Variants in MRPL13 observed in about 807,000 individuals in gnomAD.
MRPL13 encodes large ribosomal subunit protein uL13m.
MRPL13 carries 33 observed loss-of-function variants against 29.0 expected under a neutral mutation model. The ratio of observed to expected loss-of-function variants is 1.14; its 90% CI spans 0.86 to 1.52. The LOEUF (loss-of-function observed/expected upper bound fraction) is 1.52, where lower values mean the gene tolerates loss of function less well. Ranked by LOEUF, MRPL13 falls within the 40% of genes most tolerant of loss-of-function variation. The pLI is 0.00. For synonymous variants in MRPL13, 77 were observed against 68.4 expected (o/e 1.13, Z -0.62); for missense variants, 227 against 216.7 (o/e 1.05, Z -0.30).
chr8:120,412,761 C>T (rs1185212956), intron 6 of MRPL13, among the ~76,000 whole-genome samples: 1 of 152,154 alleles, frequency 6.6e-6, no homozygotes, highest in Non-Finnish European at 1.5e-5. Context: ...GACAATGTCC[C>T]TGCCCCCTTG....
chr8:120,416,324 C>T (rs934700567), intron 5 of MRPL13, among the ~76,000 whole-genome samples: 2 of 152,068 alleles, frequency 1.3e-5, no homozygotes, highest in African/African-American at 4.8e-5. Context: ...GAAACCCCGT[C>T]TCTACTAAAA....
At chr8:120,436,063 A>G (rs1482093836) in intron 2 of MRPL13, among the ~76,000 whole-genome samples, 1 of 152,170 alleles carries the variant, frequency 6.6e-6, no homozygotes, top group Non-Finnish European at 1.5e-5. Flanking sequence ...CAGACAATAA[A>G]CAAACAAATA....
chr8:120,443,305 A>G lies in MRPL13; in HGVS notation c.31T>C (p.Trp11Arg). ...TACCATATTCTAGCAAAAGTGGCCC[A>G]TTGCTTGGGGGGGAAAAAAAAAAAA... MSSFSRAPQQ[W>R]ATFARIWYLL... is the part of the protein sequence containing the mutation. The change falls in exon 2 of 7, where the codon TGG becomes CGG. Residue 11 changes from tryptophan (W) to arginine (R), a missense_variant. Physicochemically the swap from Trp to Arg is moderately radical, Grantham distance 101. Coordinates refer to ENST00000306185, the MANE Select transcript of MRPL13 (RefSeq NM_014078.6). The G allele has an allele frequency of 1.3e-6, 2 of 1,534,054 alleles. No individual in the cohort carries two copies. The highest frequency in any genetic ancestry group is 1.5e-5 in the African/African-American group (1 of 66,542).
At chr8:120,411,494 C>T (rs946519561) in intron 6 of MRPL13, among the ~76,000 whole-genome samples, 3 of 152,088 alleles carry the variant, frequency 2.0e-5, no homozygotes, top group African/African-American at 7.2e-5. Context: ...ACACTTTTCA[C>T]GTAATAAAGA....
intron 2 of MRPL13, among the ~76,000 whole-genome samples, chr8:120,439,508 C>T (rs183053138): frequency 2.6e-5 from 4 of 152,264 alleles, no homozygotes; most frequent in African/African-American, 7.2e-5. Flanking sequence ...TCAGAGGAAC[C>T]TAACTCCGTA....
At chr8:120,419,314 G>C (rs1188386089) in intron 5 of MRPL13, among the ~76,000 whole-genome samples, 1 of 151,752 alleles carries the variant, frequency 6.6e-6, no homozygotes, top group Non-Finnish European at 1.5e-5. Flanking sequence ...ATCATATTAA[G>C]GAGAAAAGTT....
chr8:120,434,165 C>T (rs1813027045), intron 2 of MRPL13, among the ~76,000 whole-genome samples: 1 of 151,994 alleles, frequency 6.6e-6, no homozygotes. Flanking sequence ...TAGGTTACAC[C>T]ATCAGGGGCA....
intron 6 of MRPL13, among the ~76,000 whole-genome samples, chr8:120,399,804 C>A (rs980390037): frequency 6.6e-6 from 1 of 151,884 alleles, no homozygotes; most frequent in East Asian, 1.9e-4. Flanking sequence ...GAAAATTTAC[C>A]AAGCAAATGG....
chr8:120,412,109 A>G (rs943883450), intron 6 of MRPL13, among the ~76,000 whole-genome samples: 2 of 152,124 alleles, frequency 1.3e-5, no homozygotes, highest in Non-Finnish European at 1.5e-5. Flanking sequence ...CAACTTTATT[A>G]TTTCTAATTT....
chr8:120,407,478 CTACAAAAAA>C (rs1359097006), intron 6 of MRPL13, among the ~76,000 whole-genome samples: 1 of 151,908 alleles, frequency 6.6e-6, no homozygotes, highest in African/African-American at 2.4e-5. Flanking sequence ...AACCCAGTCT[CTACAAAAAA>C]TACAAAAAAT....
intron 4 of MRPL13, among the ~76,000 whole-genome samples, chr8:120,420,308 T>C (rs918752636): frequency 2.0e-5 from 3 of 151,168 alleles, no homozygotes; most frequent in Non-Finnish European, 4.4e-5. Flanking sequence ...TTAAGAGGCC[T>C]TCCTCTTTTA....
intron 6 of MRPL13, among the ~76,000 whole-genome samples, chr8:120,398,743 G>A (rs563980695): frequency 3.9e-5 from 6 of 152,098 alleles, no homozygotes; most frequent in Non-Finnish European, 8.8e-5. Flanking sequence ...ATGCAAATAA[G>A]TTAAGAATCA....
intron 6 of MRPL13, among the ~76,000 whole-genome samples, chr8:120,411,058 C>T (rs1231022336): frequency 1.3e-5 from 2 of 151,680 alleles, no homozygotes; most frequent in Non-Finnish European, 2.9e-5. Context: ...CTCCCTCTCC[C>T]ACTCCCTCTC....
intron 2 of MRPL13, among the ~76,000 whole-genome samples, chr8:120,441,701 A>C (rs1813126346): frequency 6.6e-6 from 1 of 152,218 alleles, no homozygotes; most frequent in Admixed American, 6.5e-5. Flanking sequence ...AGCTGTAAGA[A>C]ACATACTTGG....
chr8:120,406,939 C>A lies in MRPL13; in HGVS notation c.515+7052G>T, dbSNP rs866030042. Among the ~76,000 whole-genome samples the A allele has an allele frequency of 3.3e-5, 5 of 152,254 alleles. No homozygotes were observed. The Middle Eastern group carries it at 0.014, about 414-fold the overall frequency. ...TAGTATTACATTTTGAGTGAGAAAACAGAACTTTAAAAAGCCTCATCTGAG... is the reference window on the plus strand; with the variant it reads ...TAGTATTACATTTTGAGTGAGAAAAAAGAACTTTAAAAAGCCTCATCTGAG... On this transcript the variant is annotated intron_variant, in intron 6 of 6. Coordinates refer to ENST00000306185, the MANE Select transcript of MRPL13 (RefSeq NM_014078.6).
intron 2 of MRPL13, among the ~76,000 whole-genome samples, chr8:120,442,605 G>A (rs1399451015): frequency 6.6e-6 from 1 of 152,164 alleles, no homozygotes; most frequent in Non-Finnish European, 1.5e-5. Context: ...ACTAAAAACT[G>A]ACATCTGGAT....
At chr8:120,406,579 GTGTGTGTGT>G (rs1476852974) in intron 6 of MRPL13, among the ~76,000 whole-genome samples, 1 of 151,118 alleles carries the variant, frequency 6.6e-6, no homozygotes, top group African/African-American at 2.4e-5. Context: ...GTGTGTGTGT[GTGTGTGTGT>G]GTGTAATTGT....
intron 6 of MRPL13, among the ~76,000 whole-genome samples, chr8:120,408,962 C>T (rs1392998937): frequency 6.6e-6 from 1 of 152,140 alleles, no homozygotes; most frequent in African/African-American, 2.4e-5. Context: ...CTGAATGGAT[C>T]ACATATTGAA....
intron 2 of MRPL13, among the ~76,000 whole-genome samples, chr8:120,439,134 C>T (rs1813087448): frequency 6.6e-6 from 1 of 152,222 alleles, no homozygotes; most frequent in African/African-American, 2.4e-5. Flanking sequence ...ATTTGTGTTA[C>T]TTGACGCACA....
Sources: allele counts gnomAD v4.1 joint callset (sites outside exome capture counted in the v4.1 genomes callset), GRCh38; gene constraint gnomAD v4.1.1; transcripts MANE v1.5; gene names NCBI Gene and HGNC (gene_info 2026-07-23, HGNC 2026-07-21).